The following PVT1 variants were observed in gnomAD, a reference collection of about 807,000 sequenced individuals.
The protein encoded by PVT1 is Pvt1 oncogene, also known as CXCR4/PVT1 fusion.
chr8:127,957,566 C>CAAA lies in PVT1; in HGVS notation n.783-31578_783-31576dup, dbSNP rs56796489. ...CTGGTGACAGAGCGAGACTCCGTCT[C>CAAA]AAAAAAAAAAAAAAAAAAAAGAAAA... On this transcript the variant is annotated intron_variant and non_coding_transcript_variant, in intron 3 of 10. Coordinates refer to ENST00000651587, the Ensembl canonical transcript of PVT1. Among the ~76,000 whole-genome samples, 542 of 91,724 alleles carry CAAA rather than the reference C, an allele frequency of 5.9e-3. 1 individual carries two copies. Among genetic ancestry groups the CAAA allele is most frequent in the African/African-American group, 0.013 (337 of 25,406 alleles). 60.2% of individuals were successfully genotyped at this position (91,724 alleles called of 152,430 possible).
intron 4 of PVT1, among the ~76,000 whole-genome samples, chr8:128,019,631 G>A (rs1316059574): frequency 6.6e-6 from 1 of 152,206 alleles, no homozygotes; most frequent in Non-Finnish European, 1.5e-5. Flanking sequence ...AACTTGCAAT[G>A]GTATTGATAA....
At chr8:127,993,840 T>C (rs546591155) in intron 4 of PVT1, among the ~76,000 whole-genome samples, 1 of 152,322 alleles carries the variant, frequency 6.6e-6, no homozygotes, top group Admixed American at 6.5e-5. Flanking sequence ...TGCACAAATA[T>C]CGAACGAGAA....
At chr8:127,836,509 T>A (rs1270222571) in intron 2 of PVT1, among the ~76,000 whole-genome samples, 1 of 152,086 alleles carries the variant, frequency 6.6e-6, no homozygotes, top group East Asian at 1.9e-4. Context: ...CCATGTAGTC[T>A]AAATTTTGGA....
chr8:127,988,339 G>A (rs184978248), intron 3 of PVT1, among the ~76,000 whole-genome samples: 93 of 152,312 alleles, frequency 6.1e-4, no homozygotes, highest in African/African-American at 2.2e-3. Context: ...GCCTGAAAAG[G>A]GAAAAGGGCA....
At chr8:128,015,894 G>T (rs1490569641) in intron 4 of PVT1, among the ~76,000 whole-genome samples, 1 of 151,908 alleles carries the variant, frequency 6.6e-6, no homozygotes, top group African/African-American at 2.4e-5. Flanking sequence ...CTGGGACCTT[G>T]AAGTTACTCC....
chr8:127,868,468 A>G (rs1201157989), intron 2 of PVT1, among the ~76,000 whole-genome samples: 2 of 151,542 alleles, frequency 1.3e-5, no homozygotes, highest in Non-Finnish European at 2.9e-5. Context: ...GCTCACTACA[A>G]CCCCGACCTC....
chr8:128,078,597 T>C (rs1251075343), intron 5 of PVT1, among the ~76,000 whole-genome samples: 2 of 152,372 alleles, frequency 1.3e-5, no homozygotes, highest in East Asian at 3.9e-4. Context: ...CTAGCTTTAC[T>C]GCCAGTTTTT....
chr8:127,968,010 C>G (rs1247677618), intron 3 of PVT1, among the ~76,000 whole-genome samples: 2 of 152,328 alleles, frequency 1.3e-5, no homozygotes, highest in East Asian at 3.9e-4. Context: ...CTATTCGGTG[C>G]TGACCTTTGT....
chr8:127,974,668 G>A (rs1396492684), intron 3 of PVT1, among the ~76,000 whole-genome samples: 4 of 151,934 alleles, frequency 2.6e-5, no homozygotes, highest in East Asian at 1.9e-4. Flanking sequence ...CACCTGCCTC[G>A]GCCTCCCAAA....
chr8:127,922,988 C>T (rs1478417401), intron 3 of PVT1, among the ~76,000 whole-genome samples: 2 of 152,214 alleles, frequency 1.3e-5, no homozygotes. Flanking sequence ...ACTGCTAAGC[C>T]CTGACCCATA....
intron 2 of PVT1, among the ~76,000 whole-genome samples, chr8:127,887,845 T>G (rs1815543386): frequency 6.6e-6 from 1 of 150,970 alleles, no homozygotes; most frequent in East Asian, 2.0e-4. Context: ...ACTGTCTTAT[T>G]TAAATAAGAA....
At chr8:127,812,715 A>G (rs936121635) in intron 2 of PVT1, among the ~76,000 whole-genome samples, 4 of 151,642 alleles carry the variant, frequency 2.6e-5, no homozygotes, top group African/African-American at 9.7e-5. Flanking sequence ...GAAGGAGGGA[A>G]GAAAAGAAAG....
intron 4 of PVT1, among the ~76,000 whole-genome samples, chr8:128,025,963 T>C (rs2130061805): frequency 6.6e-6 from 1 of 150,870 alleles, no homozygotes; most frequent in South Asian, 2.1e-4. Flanking sequence ...TTTTTTTTTT[T>C]TCTTTTGAGA....
chr8:127,962,894 C>A (rs1032080461), intron 3 of PVT1, among the ~76,000 whole-genome samples: 1 of 152,190 alleles, frequency 6.6e-6, no homozygotes, highest in Non-Finnish European at 1.5e-5. Flanking sequence ...CCATGCCTGG[C>A]CTCATCTGCA....
At chr8:127,837,157 G>T (rs1250310210) in intron 2 of PVT1, among the ~76,000 whole-genome samples, 1 of 152,116 alleles carries the variant, frequency 6.6e-6, no homozygotes, top group African/African-American at 2.4e-5. Context: ...TTATCACCTA[G>T]TCCCCAGAGA....
intron 4 of PVT1, among the ~76,000 whole-genome samples, chr8:128,063,887 CAT>C (rs1813865119): frequency 6.6e-6 from 1 of 152,150 alleles, no homozygotes; most frequent in Non-Finnish European, 1.5e-5. Context: ...AGGTAATGCA[CAT>C]GTTAATTAGC....
chr8:127,904,684 T>A (rs1815799292), intron 3 of PVT1, among the ~76,000 whole-genome samples: 1 of 152,196 alleles, frequency 6.6e-6, no homozygotes, highest in African/African-American at 2.4e-5. Context: ...CTTTGGCAAC[T>A]GTGAGGCAGG....
At chr8:127,845,679 G>T (rs867572734) in intron 2 of PVT1, among the ~76,000 whole-genome samples, 7 of 152,176 alleles carry the variant, frequency 4.6e-5, no homozygotes, top group African/African-American at 1.7e-4. Context: ...CTGGAAGCCG[G>T]CAGGGGCATA....
At chr8:127,995,438 GCTTTT>G (rs1464029006) in intron 4 of PVT1, among the ~76,000 whole-genome samples, 1 of 152,134 alleles carries the variant, frequency 6.6e-6, no homozygotes. Context: ...CTATTGGACT[GCTTTT>G]CTTTTAAGAT....
Sources: gnomAD v4.1 joint callset for allele counts (sites outside exome capture counted in the v4.1 genomes callset) on GRCh38, gnomAD v4.1.1 for gene constraint, MANE v1.5 for transcripts, NCBI Gene and HGNC (gene_info 2026-07-23, HGNC 2026-07-21) for gene names.